The following KMT2A variants were observed in gnomAD, a reference collection of about 807,000 sequenced individuals.
The protein encoded by KMT2A is lysine methyltransferase 2A, also known as histone-lysine N-methyltransferase 2A.
Under a neutral mutation model 345.3 loss-of-function variants are expected in KMT2A, and 16 were observed. The observed-to-expected ratio is 0.05, with a 90% confidence interval of 0.03 to 0.07. The LOEUF (loss-of-function observed/expected upper bound fraction) is 0.07. Among genes scored for constraint, KMT2A ranks in the 10% least tolerant of loss-of-function variants. KMT2A has a pLI of 1.00. For missense variants in KMT2A, 3,272 were observed against 4,841.6 expected, an observed-to-expected ratio of 0.68 and a Z score of 9.62; for synonymous variants, 1,599 against 1,778.6, an observed-to-expected ratio of 0.90 and a Z score of 2.54.
chr11:118,436,526 G>C lies in KMT2A; in HGVS notation c.14G>C (p.Cys5Ser), dbSNP rs1336274284. 8 of 1,262,236 alleles carry C rather than the reference G, an allele frequency of 6.3e-6. No individual in the cohort carries two copies. The highest frequency in any genetic ancestry group is 7.0e-6 in the Non-Finnish European group (7 of 993,506). The allele number at this position is 1,262,236 out of a possible 1,614,324, so 78.2% of individuals were successfully genotyped here. ...CACGGGGCGAACATGGCGCACAGCTGTCGGTGGCGCTTCCCCGCCCGACCC... is the reference window on the plus strand; with the variant it reads ...CACGGGGCGAACATGGCGCACAGCTCTCGGTGGCGCTTCCCCGCCCGACCC... The part of the protein sequence containing the change: MAHS[C>S]RWRFPARPGT... Residue 5 changes from cysteine (C) to serine (S), a missense_variant, in exon 1 of 36, where the codon TGT becomes TCT. This residue lies in a region of KMT2A where 412 missense variants were observed against 511.0 expected (regional missense o/e 0.81). Transcript: ENST00000534358. This position sits in a 1 kb window ranked among gnomAD's most constrained non-coding sequence, Gnocchi z 6.9.
rs1950637289 is a variant in KMT2A, at chr11:118,509,001, A to G, written c.10836-135A>G. ...GTGTGGTGGTTGTATTCATTCAACA[A>G]GTTCTACAGAAAGCCCCCTGTGGCT... On this transcript the variant is annotated intron_variant, in intron 28 of 35. Coordinates refer to ENST00000534358, the MANE Select transcript of KMT2A (RefSeq NM_001197104.2). The G allele has an allele frequency of 4.6e-5, 30 of 646,286 alleles. No individual in the cohort carries two copies. The South Asian group carries it at 5.2e-4, about 11-fold the overall frequency. 40.0% of individuals were successfully genotyped at this position (646,286 alleles called of 1,614,324 possible).
At chr11:118,481,539 A>G (rs1159758016) in intron 6 of KMT2A, among the ~76,000 whole-genome samples, 176 bp from the exon 7 acceptor site, 3 of 152,210 alleles carry the variant, frequency 2.0e-5, no homozygotes, top group Admixed American at 6.5e-5. Context: ...CTTGGCTATC[A>G]TAAATAGTGC....
Position 118,498,651 on chromosome 11 carries a change from C to A in KMT2A, c.5961+123C>A. On this transcript the variant is annotated intron_variant, in intron 22 of 35. Transcript: ENST00000534358. This position sits in a 1 kb window ranked among gnomAD's most constrained non-coding sequence, Gnocchi z 4.4. ...CATATGCCCCCTGCACCCACATATGCACAGCCTCCCCCATGATCAGCATCC... is the reference window on the plus strand; with the variant it reads ...CATATGCCCCCTGCACCCACATATGAACAGCCTCCCCCATGATCAGCATCC... 1.1e-6 allele frequency: 1 copy of A among 902,354 alleles called. No individual in the cohort carries two copies. Among genetic ancestry groups the A allele is most frequent in the Non-Finnish European group, 1.6e-6 (1 of 608,412 alleles). 55.9% of individuals were successfully genotyped at this position (902,354 alleles called of 1,614,324 possible).
intron 28 of KMT2A, 178 bp downstream of exon 28, chr11:118,507,787 C>T (rs1424679525): frequency 2.0e-5 from 11 of 545,832 alleles, no homozygotes; most frequent in Non-Finnish European, 3.6e-5. Context: ...TGGTGAAACC[C>T]CGTCTCTACT....
In KMT2A at chr11:118,491,923, C is replaced by G. The variant is rs1555042614; in HGVS notation, c.4999C>G (p.Arg1667Gly). The G allele has an allele frequency of 1.2e-6, 2 of 1,611,812 alleles. No individual in the cohort carries two copies. The highest frequency in any genetic ancestry group is 2.2e-5 in the East Asian group (1 of 44,876). Residue 1667 changes from arginine (R) to glycine (G), a missense_variant, in exon 15 of 36, where the codon CGG becomes GGG. Coordinates refer to ENST00000534358, the MANE Select transcript of KMT2A (RefSeq NM_001197104.2). This position sits in a 1 kb window ranked among gnomAD's most constrained non-coding sequence, Gnocchi z 4.2. ...SRTTSHLLRY[R>G]QAAKPPDLNP... ...GACTACCAGCCATTTGCTACGCTAC[C>G]GGCAGGTAGGCCAAGTCTCATTTTT...
At chr11:118,460,542 G>A (rs1427481643) in intron 1 of KMT2A, among the ~76,000 whole-genome samples, 6 of 152,086 alleles carry the variant, frequency 3.9e-5, no homozygotes, top group African/African-American at 1.4e-4. Context: ...CACCTGCCTT[G>A]GCCTCACAAA....
intron 28 of KMT2A, among the ~76,000 whole-genome samples, chr11:118,508,095 G>A (rs1213008893): frequency 3.9e-5 from 6 of 152,126 alleles, no homozygotes; most frequent in Admixed American, 3.9e-4. Context: ...TTTAAATAAT[G>A]GATAATAGTT....
At position 118,490,466 on chromosome 11, in the gene KMT2A, A is replaced by T. The variant is rs560871800; in HGVS notation, c.4696+217A>T. Among the ~76,000 whole-genome samples, 8 of 152,344 alleles carry T rather than the reference A, an allele frequency of 5.3e-5. No individual in the cohort carries two copies. The South Asian group carries it at 1.2e-3, about 24-fold the overall frequency. Reference sequence around the variant, plus strand: ...AGGGGACTTTTCATTATAACTAACCACAAAGAAATCCTCTAAGCTAGTATT... The same window carrying T: ...AGGGGACTTTTCATTATAACTAACCTCAAAGAAATCCTCTAAGCTAGTATT... On this transcript the variant is annotated intron_variant, in intron 13 of 35. Transcript: ENST00000534358. This position sits in a 1 kb window ranked among gnomAD's most constrained non-coding sequence, Gnocchi z 4.2.
In KMT2A at chr11:118,521,856, T is replaced by C. The variant is rs1007848326; in HGVS notation, c.11644-41T>C. ...GGACATGTTCTTAAAGCTGAGTTTATAAGAAATGACAAGTTCTTCTCCCTT... is the reference window on the plus strand; with the variant it reads ...GGACATGTTCTTAAAGCTGAGTTTACAAGAAATGACAAGTTCTTCTCCCTT... On this transcript the variant is annotated intron_variant, in intron 35 of 35. Transcript: ENST00000534358. The surrounding 1 kb of genome is among the most constrained non-coding windows in gnomAD (Gnocchi z 5.3). 1 of 1,593,856 alleles carries C rather than the reference T, an allele frequency of 6.3e-7. No individual in the cohort carries two copies. Among genetic ancestry groups the C allele is most frequent in the Non-Finnish European group, 8.6e-7 (1 of 1,164,068 alleles).
Position 118,523,125 on chromosome 11 carries a change from T to A in KMT2A, c.*953T>A, listed in dbSNP as rs1274559796. On this transcript the variant is annotated 3_prime_UTR_variant, in exon 36 of 36. Coordinates refer to ENST00000534358, the MANE Select transcript of KMT2A (RefSeq NM_001197104.2). ...CTCCATGGAGAGTTTTAAAGAAACA[T>A]ATGTAGCATGATTTTGTAGGAGAGG... is the stretch of plus-strand genomic sequence containing the variant. 4.4e-6 allele frequency: 1 copy of A among 225,746 alleles called. No homozygotes were observed. The highest frequency in any genetic ancestry group is 8.8e-6 in the Non-Finnish European group (1 of 113,172). 14.0% of individuals were successfully genotyped at this position (225,746 alleles called of 1,614,324 possible). A position where few individuals can be genotyped will look rare whatever the true frequency, so the allele number is the denominator to read the frequency against.
chr11:118,486,379 T>TC (rs1376515227), intron 10 of KMT2A, among the ~76,000 whole-genome samples: 2 of 151,446 alleles, frequency 1.3e-5, no homozygotes, highest in Admixed American at 1.3e-4. Context: ...TCTCTGGTTT[T>TC]TTTTTTTTAA....
chr11:118,455,673 T>A (rs182520928), intron 1 of KMT2A, among the ~76,000 whole-genome samples: 3,579 of 151,284 alleles, frequency 0.024, 127 homozygotes, highest in African/African-American at 0.08. Context: ...TATTATTATT[T>A]TTTTTTATTT....
intron 31 of KMT2A, 98 bp downstream of exon 31, chr11:118,512,123 A>C (rs1950700766): frequency 4.4e-6 from 5 of 1,125,184 alleles, no homozygotes; most frequent in Admixed American, 2.2e-5. Context: ...AATCAGTTAA[A>C]AATTTTTTTC....
chr11:118,482,691 C>T (rs570977342), intron 8 of KMT2A, among the ~76,000 whole-genome samples, 196 bp downstream of exon 8: 3 of 149,164 alleles, frequency 2.0e-5, no homozygotes, highest in African/African-American at 7.3e-5. Flanking sequence ...GGGAGGATTG[C>T]TTGAGGCCAG....
Position 118,472,713 on chromosome 11 carries a change from C to G in KMT2A, c.1554C>G (p.Ser518=), listed in dbSNP as rs782049264. The G allele has an allele frequency of 6.2e-7, 1 of 1,613,368 alleles. No homozygotes were observed. The highest frequency in any genetic ancestry group is 1.1e-5 in the South Asian group (1 of 91,016). ...ATCCTCCACTGCCCATTTCCCAGTC[C>G]CCAGAAAATGAGAGTAATGATAGGA... ...EVHPPLPISQ[S]PENESNDRRS... is the part of the protein sequence containing the mutation. Residue 518 remains serine, a synonymous_variant, in exon 3 of 36, where the codon TCC becomes TCG. Coordinates refer to ENST00000534358, the MANE Select transcript of KMT2A (RefSeq NM_001197104.2).
chr11:118,436,692 G>A lies in KMT2A; in HGVS notation c.180G>A (p.Val60=). 7.7e-7 allele frequency: 1 copy of A among 1,303,652 alleles called. No homozygotes were observed. The highest frequency in any genetic ancestry group is 2.6e-5 in the South Asian group (1 of 38,258). The allele number at this position is 1,303,652 out of a possible 1,614,324, so 80.8% of individuals were successfully genotyped here. A position where few individuals can be genotyped will look rare whatever the true frequency, so the allele number is the denominator to read the frequency against. The change falls in exon 1 of 36, where the codon GTG becomes GTA. Residue 60 remains valine (V), a synonymous_variant. Coordinates refer to ENST00000534358, the MANE Select transcript of KMT2A (RefSeq NM_001197104.2). This position sits in a 1 kb window ranked among gnomAD's most constrained non-coding sequence, Gnocchi z 6.9. ...GPGAPPSPPA[V]AAAAAAAGSS... ...GGGCGCCCCCCTCCCCCCCGGCTGT[G>A]GCGGCCGCGGCGGCGGCGGCGGGAA...
At chr11:118,501,579 T>C in intron 25 of KMT2A, 93 bp from the exon 26 acceptor site, 2 of 1,099,674 alleles carry the variant, frequency 1.8e-6, no homozygotes, top group Non-Finnish European at 2.6e-6. Flanking sequence ...GCTTCTAGTT[T>C]TACATTTACC....
intron 10 of KMT2A, among the ~76,000 whole-genome samples, chr11:118,485,266 T>C (rs1337428578): frequency 6.6e-6 from 1 of 152,160 alleles, no homozygotes; most frequent in Non-Finnish European, 1.5e-5. Context: ...TACAGTGGTC[T>C]ATTAAAAGGG....
intron 1 of KMT2A, among the ~76,000 whole-genome samples, chr11:118,441,944 C>T (rs948581993): frequency 2.0e-5 from 3 of 152,192 alleles, no homozygotes; most frequent in African/African-American, 7.2e-5. Context: ...AGACTCTATA[C>T]CAATTGCCTC....
Sources: allele counts gnomAD v4.1 joint callset (sites outside exome capture counted in the v4.1 genomes callset), GRCh38; gene constraint gnomAD v4.1.1; regional missense constraint gnomAD v4.1.1; non-coding constraint Gnocchi (gnomAD v3.1); transcripts MANE v1.5; gene names NCBI Gene and HGNC (gene_info 2026-07-23, HGNC 2026-07-21).